Variants in KCNQ1 observed in about 807,000 individuals in gnomAD.
KCNQ1 encodes potassium voltage-gated channel subfamily KQT member 1.
KCNQ1 carries 49 observed loss-of-function variants against 72.4 expected under a neutral mutation model. The observed-to-expected ratio is 0.68, with a 90% confidence interval of 0.54 to 0.86. The LOEUF is 0.86. Among genes scored for constraint, KCNQ1 ranks in the 40% least tolerant of loss-of-function variants. KCNQ1 has a pLI of 0.00. For synonymous variants in KCNQ1, 450 were observed against 412.6 expected, an observed-to-expected ratio of 1.09 and a Z score of -1.10; for missense variants, 790 against 945.1, an observed-to-expected ratio of 0.84 and a Z score of 2.15.
At position 2,547,813 on chromosome 11, in the gene KCNQ1, C is replaced by A. The variant is rs959394016; in HGVS notation, c.477+19795C>A. ...GGCAGTTCTCAGTGGAGCGGCCGGG[C>A]TGCGAGTCTCTGTATGGAGGTGAAG... On this transcript the variant is annotated intron_variant, in intron 2 of 15. Transcript: ENST00000155840. The surrounding 1 kb of genome is among the most constrained non-coding windows in gnomAD (Gnocchi z 4.2). Among the ~76,000 whole-genome samples, 4 of 152,152 alleles carry A rather than the reference C, an allele frequency of 2.6e-5. No individual in the cohort carries two copies. The highest frequency in any genetic ancestry group is 2.6e-4 in the Admixed American group (4 of 15,286).
chr11:2,727,624 C>T (rs1845788307), intron 11 of KCNQ1, among the ~76,000 whole-genome samples: 1 of 152,190 alleles, frequency 6.6e-6, no homozygotes. Context: ...TCCTTGCCTC[C>T]TGCCAGGGGT....
chr11:2,678,833 G>A lies in KCNQ1; in HGVS notation c.1514+16752G>A, dbSNP rs866599575. The A allele has an allele frequency of 1.0e-5, 4 of 398,622 alleles. No homozygotes were observed. The highest frequency in any genetic ancestry group is 6.3e-4 in the Middle Eastern group (1 of 1,588). 24.7% of individuals were successfully genotyped at this position (398,622 alleles called of 1,614,324 possible). A position where few individuals can be genotyped will look rare whatever the true frequency, so the allele number is the denominator to read the frequency against. ...TGTTTCTTCCAAGGCTCACTTCAAG[G>A]AAGGCAGAATCCAGGTCGGGGGTGC... On this transcript the variant is annotated intron_variant, in intron 11 of 15. Coordinates refer to ENST00000155840, the MANE Select transcript of KCNQ1 (RefSeq NM_000218.3). This position sits in a 1 kb window ranked among gnomAD's most constrained non-coding sequence, Gnocchi z 4.9.
chr11:2,791,431 A>C (rs1847019767), intron 15 of KCNQ1, among the ~76,000 whole-genome samples: 1 of 152,170 alleles, frequency 6.6e-6, no homozygotes, highest in Admixed American at 6.5e-5. Context: ...GCCCCTTTTC[A>C]AACTTGTCAC....
intron 6 of KCNQ1, among the ~76,000 whole-genome samples, chr11:2,574,086 A>T (rs575862351): frequency 6.6e-6 from 1 of 152,284 alleles, no homozygotes; most frequent in African/African-American, 2.4e-5. Context: ...TCTAGGGGGA[A>T]CACGTGGGTA....
chr11:2,496,878 C>CAAAATCCCTT (rs1846931975), intron 1 of KCNQ1, among the ~76,000 whole-genome samples: 3 of 23,492 alleles, frequency 1.3e-4, no homozygotes, highest in Non-Finnish European at 3.0e-4. Context: ...AGGCAAGCCT[C>CAAAATCCCTT]AGCATTTGCT....
chr11:2,848,097 G>C lies in KCNQ1; in HGVS notation c.*94G>C. The stretch of plus-strand genomic sequence containing the variant: ...TCTGAAGGAGGCCACCTCCTAAAAG[G>C]CCCAGAGAGAAGAGCCCCACTCTCA... On this transcript the variant is annotated 3_prime_UTR_variant, in exon 16 of 16. Transcript: ENST00000155840. The C allele has an allele frequency of 9.4e-7, 1 of 1,060,618 alleles. No individual in the cohort carries two copies. The highest frequency in any genetic ancestry group is 1.4e-6 in the Non-Finnish European group (1 of 713,352). 65.7% of individuals were successfully genotyped at this position (1,060,618 alleles called of 1,614,324 possible). A position where few individuals can be genotyped will look rare whatever the true frequency, so the allele number is the denominator to read the frequency against.
In KCNQ1 at chr11:2,783,647, C is replaced by A. The variant is rs1274715899; in HGVS notation, c.1794+5610C>A. 6.6e-6 allele frequency among the ~76,000 whole-genome samples: 1 copy of A among 152,064 alleles called. No homozygotes were observed. On this transcript the variant is annotated intron_variant, in intron 15 of 15. Coordinates refer to ENST00000155840, the MANE Select transcript of KCNQ1 (RefSeq NM_000218.3). This position sits in a 1 kb window ranked among gnomAD's most constrained non-coding sequence, Gnocchi z 5.2. The stretch of plus-strand genomic sequence containing the variant: ...CAGTAAAGTATAAAGGTTCCACTTT[C>A]TCCACAGCCTTGCAAATACATGGTC...
chr11:2,591,493 C>T (rs1045805707), intron 10 of KCNQ1, among the ~76,000 whole-genome samples: 8 of 152,238 alleles, frequency 5.3e-5, no homozygotes, highest in South Asian at 2.1e-4. Context: ...CCCACAGCTC[C>T]GGATTCAGGG....
rs1054988725 is a variant in KCNQ1, at chr11:2,837,061, A to G, written c.1795-10706A>G. 8.5e-5 allele frequency among the ~76,000 whole-genome samples: 13 copies of G among 152,284 alleles called. No individual in the cohort carries two copies. In the East Asian group the frequency reaches 1.4e-3, roughly 16 times the overall value. On this transcript the variant is annotated intron_variant, in intron 15 of 15. Transcript: ENST00000155840. ...GTGGGCTGGGGGCACGGGGCATGGC[A>G]GCCCTCTCCTGGGGATGGGCAGGAT...
intron 2 of KCNQ1, among the ~76,000 whole-genome samples, chr11:2,570,099 CCT>C (rs148166405): frequency 0.044 from 6,738 of 151,668 alleles, 500 homozygotes; most frequent in African/African-American, 0.16. Context: ...ACCCGGGGTT[CCT>C]GGCGTGGGAC....
At chr11:2,751,307 A>C (rs1189165915) in intron 11 of KCNQ1, among the ~76,000 whole-genome samples, 2 of 151,788 alleles carry the variant, frequency 1.3e-5, no homozygotes, top group Non-Finnish European at 2.9e-5. Flanking sequence ...CTCATCTCCC[A>C]CCCCCCACTT....
chr11:2,534,704 T>A (rs1249969885), intron 2 of KCNQ1, among the ~76,000 whole-genome samples: 1 of 152,242 alleles, frequency 6.6e-6, no homozygotes, highest in Non-Finnish European at 1.5e-5. Flanking sequence ...TTTTTGTCCC[T>A]GTCACTTGGG....
At chr11:2,732,618 G>C (rs1845874668) in intron 11 of KCNQ1, among the ~76,000 whole-genome samples, 1 of 152,230 alleles carries the variant, frequency 6.6e-6, no homozygotes, top group South Asian at 2.1e-4. Context: ...CGGGGCCCGA[G>C]GGCCGTCTGA....
chr11:2,726,620 A>G (rs745875628), intron 11 of KCNQ1, among the ~76,000 whole-genome samples: 1 of 150,780 alleles, frequency 6.6e-6, no homozygotes, highest in Non-Finnish European at 1.5e-5. Context: ...GACTGAGGCC[A>G]GAGAAAAAGG....
At position 2,612,609 on chromosome 11, in the gene KCNQ1, A is replaced by G; in HGVS notation, c.1393+23755A>G. The G allele has an allele frequency of 2.5e-6, 1 of 398,482 alleles. No individual in the cohort carries two copies. 24.7% of individuals were successfully genotyped at this position (398,482 alleles called of 1,614,324 possible). A position where few individuals can be genotyped will look rare whatever the true frequency, so the allele number is the denominator to read the frequency against. The stretch of plus-strand genomic sequence containing the variant: ...TTTGGTTTCTAATTTCTATCTCTAT[A>G]TTGATATTATCTATTTGATGAGTCT... On this transcript the variant is annotated intron_variant, in intron 10 of 15. Coordinates refer to ENST00000155840, the MANE Select transcript of KCNQ1 (RefSeq NM_000218.3). This position sits in a 1 kb window ranked among gnomAD's most constrained non-coding sequence, Gnocchi z 5.5.
chr11:2,834,107 C>T (rs902624543), intron 15 of KCNQ1, among the ~76,000 whole-genome samples: 12 of 152,344 alleles, frequency 7.9e-5, no homozygotes, highest in South Asian at 2.1e-4. Context: ...ATGGGCTCAG[C>T]GCCTGCTGTG....
rs899757605 is a variant in KCNQ1, at chr11:2,608,860, C to G, written c.1393+20006C>G. 5.0e-6 allele frequency: 2 copies of G among 398,176 alleles called. No individual in the cohort carries two copies. The highest frequency in any genetic ancestry group is 4.4e-6 in the Non-Finnish European group (1 of 226,022). The allele number at this position is 398,176 out of a possible 1,614,324, so 24.7% of individuals were successfully genotyped here. On this transcript the variant is annotated intron_variant, in intron 10 of 15. Coordinates refer to ENST00000155840, the MANE Select transcript of KCNQ1 (RefSeq NM_000218.3). The surrounding 1 kb of genome is among the most constrained non-coding windows in gnomAD (Gnocchi z 4.6). ...TAGTAATTTGAGTTTTCTCTCTCCC[C>G]CTTTGCCTCATGCACTTCCCTCTCT...
Position 2,620,951 on chromosome 11 carries a change from T to TTG in KCNQ1, c.1393+32098_1393+32099insGT, listed in dbSNP as rs763890833. 3.7e-4 allele frequency: 145 copies of TTG among 396,904 alleles called. No individual in the cohort carries two copies. The highest frequency in any genetic ancestry group is 1.0e-3 in the African/African-American group (48 of 47,814). The allele number at this position is 396,904 out of a possible 1,614,324, so 24.6% of individuals were successfully genotyped here. On this transcript the variant is annotated intron_variant, in intron 10 of 15. Coordinates refer to ENST00000155840, the MANE Select transcript of KCNQ1 (RefSeq NM_000218.3). This position sits in a 1 kb window ranked among gnomAD's most constrained non-coding sequence, Gnocchi z 4.5. Reference sequence around the variant, plus strand: ...TTTGTTGTTGTTGTTTTGTTTTGTTTTTTTTTGTCTGTTTTTTGCTTTTTT... The same window carrying TTG: ...TTTGTTGTTGTTGTTTTGTTTTGTTTTGTTTTTTGTCTGTTTTTTGCTTTTTT...
At chr11:2,514,025 C>T (rs1435030776) in intron 1 of KCNQ1, among the ~76,000 whole-genome samples, 1 of 152,220 alleles carries the variant, frequency 6.6e-6, no homozygotes, top group Non-Finnish European at 1.5e-5. Context: ...CTGGGGGACT[C>T]TTTGTCTCCA....
Sources: gnomAD v4.1 joint callset for allele counts (sites outside exome capture counted in the v4.1 genomes callset) on GRCh38, gnomAD v4.1.1 for gene constraint, Gnocchi (gnomAD v3.1) non-coding constraint, MANE v1.5 for transcripts, NCBI Gene and HGNC (gene_info 2026-07-23, HGNC 2026-07-21) for gene names.